SPATA16: variants seen among roughly 807,000 people sequenced by gnomAD.
SPATA16 encodes spermatogenesis associated 16, also known as spermatogenesis-associated protein 16.
SPATA16 carries 36 observed loss-of-function variants against 63.3 expected under a neutral mutation model. The observed-to-expected ratio is 0.57, with a 90% CI of 0.44 to 0.75. SPATA16 has a LOEUF of 0.75. Among genes scored for constraint, SPATA16 ranks in the 30% least tolerant of loss-of-function variants. SPATA16 has a pLI of 0.00. For missense variants in SPATA16, 646 were observed against 679.3 expected (o/e 0.95, Z 0.54); for synonymous variants, 203 against 216.7 (o/e 0.94, Z 0.56).
intron 10 of SPATA16, among the ~76,000 whole-genome samples, chr3:172,912,035 T>A (rs1445692764): frequency 6.6e-6 from 1 of 152,256 alleles, no homozygotes; most frequent in Non-Finnish European, 1.5e-5. Context: ...TTCTGTAATT[T>A]CTCCTGCCTC....
chr3:173,112,857 T>A (rs990274639), intron 2 of SPATA16, among the ~76,000 whole-genome samples: 1 of 152,188 alleles, frequency 6.6e-6, no homozygotes, highest in Non-Finnish European at 1.5e-5. Flanking sequence ...AAGCTGTGAA[T>A]CTTAAAGGAT....
At chr3:173,076,985 G>A (rs1159676520) in intron 2 of SPATA16, among the ~76,000 whole-genome samples, 1 of 151,994 alleles carries the variant, frequency 6.6e-6, no homozygotes, top group African/African-American at 2.4e-5. Flanking sequence ...ATATATGAAT[G>A]GAGCTTTGGA....
At chr3:173,096,072 T>G (rs1158493479) in intron 2 of SPATA16, among the ~76,000 whole-genome samples, 1 of 152,064 alleles carries the variant, frequency 6.6e-6, no homozygotes, top group Admixed American at 6.6e-5. Context: ...TTACTACTAA[T>G]AAAGAGCTTT....
intron 3 of SPATA16, among the ~76,000 whole-genome samples, chr3:173,042,069 G>T (rs1735854326): frequency 6.6e-6 from 1 of 152,038 alleles, no homozygotes; most frequent in South Asian, 2.1e-4. Context: ...AAACTCACGG[G>T]TATCTGTAAT....
intron 2 of SPATA16, among the ~76,000 whole-genome samples, chr3:173,115,335 TCTATAAAATTATAC>T (rs1364545136): frequency 6.6e-6 from 1 of 152,208 alleles, no homozygotes; most frequent in African/African-American, 2.4e-5. Flanking sequence ...TTTTTCTTTA[TCTATAAAATTATAC>T]CTTTAACCCT....
chr3:173,049,456 AG>A (rs1412862759), intron 2 of SPATA16, among the ~76,000 whole-genome samples: 6 of 152,166 alleles, frequency 3.9e-5, no homozygotes, highest in Non-Finnish European at 1.5e-5. Context: ...CAATAACCAA[AG>A]ATATTAACAG....
chr3:173,077,229 T>G (rs1736828690), intron 2 of SPATA16, among the ~76,000 whole-genome samples: 1 of 152,196 alleles, frequency 6.6e-6, no homozygotes, highest in Non-Finnish European at 1.5e-5. Context: ...TTCTGAATTT[T>G]TTTTCACAAA....
intron 10 of SPATA16, among the ~76,000 whole-genome samples, chr3:172,900,867 T>C (rs1732114014): frequency 1.3e-5 from 2 of 152,024 alleles, no homozygotes; most frequent in Admixed American, 1.3e-4. Flanking sequence ...GGTCTCGAAC[T>C]CCTGACCTCA....
intron 1 of SPATA16, among the ~76,000 whole-genome samples, chr3:173,126,816 C>T (rs934269725): frequency 6.6e-6 from 1 of 152,162 alleles, no homozygotes; most frequent in African/African-American, 2.4e-5. Flanking sequence ...TTCTGTCTGC[C>T]TTACTCCACT....
intron 2 of SPATA16, among the ~76,000 whole-genome samples, chr3:173,100,839 C>T (rs573238471): frequency 6.6e-6 from 1 of 152,200 alleles, no homozygotes; most frequent in African/African-American, 2.4e-5. Flanking sequence ...TGGTCATAAA[C>T]AATTACTTAG....
intron 4 of SPATA16, among the ~76,000 whole-genome samples, chr3:172,999,981 A>C (rs1369318265): frequency 1.3e-5 from 2 of 152,068 alleles, no homozygotes; most frequent in Non-Finnish European, 2.9e-5. Flanking sequence ...TGGATCTGTC[A>C]ATTTCTGATA....
At chr3:173,090,887 A>G (rs1010836130) in intron 2 of SPATA16, among the ~76,000 whole-genome samples, 5 of 152,194 alleles carry the variant, frequency 3.3e-5, no homozygotes, top group African/African-American at 4.8e-5. Context: ...TGTAATCACT[A>G]CACATGTAGA....
chr3:173,071,730 TA>T (rs1220297229), intron 2 of SPATA16, among the ~76,000 whole-genome samples: 2 of 151,992 alleles, frequency 1.3e-5, no homozygotes, highest in East Asian at 1.9e-4. Flanking sequence ...AATCATCAGA[TA>T]AAAAAATGTG....
chr3:173,048,766 T>G (rs1461070829), intron 3 of SPATA16, among the ~76,000 whole-genome samples, 183 bp downstream of exon 3: 1 of 152,178 alleles, frequency 6.6e-6, no homozygotes, highest in Non-Finnish European at 1.5e-5. Flanking sequence ...CTCTATTTCT[T>G]CCAGTAGGTT....
intron 1 of SPATA16, among the ~76,000 whole-genome samples, chr3:173,137,563 C>G (rs1160570160): frequency 6.6e-6 from 1 of 152,084 alleles, no homozygotes; most frequent in Admixed American, 6.6e-5. Flanking sequence ...TCCTCCTTTT[C>G]TACATTCATA....
intron 2 of SPATA16, among the ~76,000 whole-genome samples, chr3:173,069,859 A>G (rs1196824455): frequency 2.0e-5 from 3 of 152,196 alleles, no homozygotes; most frequent in Non-Finnish European, 4.4e-5. Context: ...GTAATACACC[A>G]TATCAACTTA....
intron 2 of SPATA16, among the ~76,000 whole-genome samples, chr3:173,100,151 A>G (rs749974578): frequency 6.6e-6 from 1 of 152,188 alleles, no homozygotes; most frequent in African/African-American, 2.4e-5. Context: ...ATACCTCTCT[A>G]TGGGAGCCAG....
chr3:172,926,430 T>A (rs1732739028), intron 6 of SPATA16, among the ~76,000 whole-genome samples: 1 of 152,244 alleles, frequency 6.6e-6, no homozygotes, highest in African/African-American at 2.4e-5. Context: ...TTGTGTGCAC[T>A]GTTCTTTGAA....
At chr3:173,131,475 C>G (rs1483462359) in intron 1 of SPATA16, among the ~76,000 whole-genome samples, 1 of 151,098 alleles carries the variant, frequency 6.6e-6, no homozygotes. Context: ...GTGAGCATCT[C>G]AACATTTCAC....
Sources: gnomAD v4.1 joint callset for allele counts (sites outside exome capture counted in the v4.1 genomes callset) on GRCh38, gnomAD v4.1.1 for gene constraint, MANE v1.5 for transcripts, NCBI Gene and HGNC (gene_info 2026-07-23, HGNC 2026-07-21) for gene names.